The following ABHD2 variants were observed in gnomAD, a reference collection of about 807,000 sequenced individuals.
The protein encoded by ABHD2 is abhydrolase domain containing 2, acylglycerol lipase.
A neutral mutation model predicts 48.1 loss-of-function variants in ABHD2; 20 were observed. That is an observed-to-expected ratio of 0.42 (90% CI 0.29 to 0.60). ABHD2 has a LOEUF of 0.60. ABHD2 is among the 20% of genes least tolerant of loss of function. ABHD2 has a pLI of 0.24. For missense variants in ABHD2, 405 were observed against 550.9 expected, an observed-to-expected ratio of 0.74 and a Z score of 2.65; for synonymous variants, 209 against 214.2, an observed-to-expected ratio of 0.98 and a Z score of 0.21.
Position 89,184,008 on chromosome 15 carries a change from C to T in ABHD2, c.723-1416C>T, listed in dbSNP as rs2051164457. Among the ~76,000 whole-genome samples the T allele has an allele frequency of 6.6e-6, 1 of 152,096 alleles. No homozygotes were observed. Among genetic ancestry groups the T allele is most frequent in the African/African-American group, 2.4e-5 (1 of 41,394 alleles). On this transcript the variant is annotated intron_variant, in intron 6 of 10. Transcript: ENST00000352732. The surrounding 1 kb of genome is among the most constrained non-coding windows in gnomAD (Gnocchi z 5.1). ...CCGGGGTCCCTCATGGTGGTCTGGT[C>T]CTATACTCTTCCTGTAGTGCTTGGT...
At position 89,195,671 on chromosome 15, in the gene ABHD2, C is replaced by A. The variant is rs918433344; in HGVS notation, c.*248C>A. The A allele has an allele frequency of 4.4e-5, 19 of 431,374 alleles. No homozygotes were observed. The highest frequency in any genetic ancestry group is 3.6e-4 in the African/African-American group (18 of 49,432). 26.7% of individuals were successfully genotyped at this position (431,374 alleles called of 1,614,324 possible). ...ATGGTGACAAGTGACAGAGTTCTTG[C>A]CCTCTGTCCAGTTTCAGCATCTGGT... On this transcript the variant is annotated 3_prime_UTR_variant, in exon 11 of 11. Coordinates refer to ENST00000352732, the MANE Select transcript of ABHD2 (RefSeq NM_152924.5). The surrounding 1 kb of genome is among the most constrained non-coding windows in gnomAD (Gnocchi z 5.1).
chr15:89,050,519 C>T, the ABHD2 span, among the ~76,000 whole-genome samples: 2 of 152,346 alleles, frequency 1.3e-5, no homozygotes, highest in South Asian at 4.1e-4. Flanking sequence ...AGTTAAACTT[C>T]ATGTGCACCT....
At chr15:89,062,618 G>A in the ABHD2 span, among the ~76,000 whole-genome samples, 1 of 152,026 alleles carries the variant, frequency 6.6e-6, no homozygotes, top group African/African-American at 2.4e-5. Context: ...GAACTCCTGG[G>A]CTCAAGCGAT....
chr15:89,087,963 GAGTC>G (rs988950774), upstream of ABHD2: 1 of 152,092 alleles, frequency 6.6e-6, no homozygotes, highest in African/African-American at 2.4e-5. This position sits in a 1 kb window ranked among gnomAD's most constrained non-coding sequence, Gnocchi z 5.5. Context: ...GAGTACACGT[GAGTC>G]AGTCAGTCGG....
At chr15:89,134,778 A>G (rs1260554066) in intron 3 of ABHD2, among the ~76,000 whole-genome samples, 2 of 152,200 alleles carry the variant, frequency 1.3e-5, no homozygotes, top group Admixed American at 1.3e-4. Context: ...TTGAGCCCGA[A>G]AGAGCATTAT....
At position 89,175,991 on chromosome 15, in the gene ABHD2, C is replaced by T. The variant is rs780427734; in HGVS notation, c.718C>T (p.Leu240=). Residue 240 remains leucine, a synonymous_variant, in exon 6 of 11, where the codon CTG becomes TTG. Transcript: ENST00000352732. This position sits in a 1 kb window ranked among gnomAD's most constrained non-coding sequence, Gnocchi z 5.7. The stretch of plus-strand genomic sequence containing the variant: ...CAGCGTGTGCCAGGGGTACAGTGCA[C>T]TGAGGTGAGTCATCTCCGCCTTCCA... The part of the protein sequence containing the change: ...CVSVCQGYSA[L]RAQETFMQWD... The T allele has an allele frequency of 6.3e-7, 1 of 1,598,206 alleles. No homozygotes were observed. The highest frequency in any genetic ancestry group is 8.5e-7 in the Non-Finnish European group (1 of 1,171,388).
chr15:89,183,902 G>A (rs2051162167), intron 6 of ABHD2, among the ~76,000 whole-genome samples: 1 of 152,152 alleles, frequency 6.6e-6, no homozygotes, highest in Non-Finnish European at 1.5e-5. Context: ...AAAGTCAGAG[G>A]AGAGGCAGCT....
At position 89,097,943 on chromosome 15, in the gene ABHD2, T is replaced by G. The variant is rs1197114790; in HGVS notation, c.-107+9380T>G. On this transcript the variant is annotated intron_variant, in intron 1 of 10. Transcript: ENST00000352732. The surrounding 1 kb of genome is among the most constrained non-coding windows in gnomAD (Gnocchi z 4.2). ...TCTCACTCTGTCACGCAGGCTGGAT[T>G]GCAGTGGCAGGATCTGGGCTCACTG... Among the ~76,000 whole-genome samples the G allele has an allele frequency of 6.6e-6, 1 of 152,236 alleles. No homozygotes were observed. Among genetic ancestry groups the G allele is most frequent in the Non-Finnish European group, 1.5e-5 (1 of 68,040 alleles).
Position 89,091,895 on chromosome 15 carries a change from C to A in ABHD2, c.-107+3332C>A, listed in dbSNP as rs1901610951. 6.6e-6 allele frequency among the ~76,000 whole-genome samples: 1 copy of A among 152,198 alleles called. No individual in the cohort carries two copies. Among genetic ancestry groups the A allele is most frequent in the African/African-American group, 2.4e-5 (1 of 41,444 alleles). On this transcript the variant is annotated intron_variant, in intron 1 of 10. Transcript: ENST00000352732. The surrounding 1 kb of genome is among the most constrained non-coding windows in gnomAD (Gnocchi z 5.5). Reference sequence around the variant, plus strand: ...GGCTAAGCTATCCCCAGGAACAGAGCAATGAGAAGTTCAGGGTGCCTCTTA... The same window carrying A: ...GGCTAAGCTATCCCCAGGAACAGAGAAATGAGAAGTTCAGGGTGCCTCTTA...
At chr15:89,152,099 G>A (rs1355418321) in intron 4 of ABHD2, among the ~76,000 whole-genome samples, 4 of 149,950 alleles carry the variant, frequency 2.7e-5, no homozygotes, top group South Asian at 2.1e-4. Context: ...TTTTTGAGAC[G>A]GAGTCTCGCT....
intron 5 of ABHD2, among the ~76,000 whole-genome samples, chr15:89,162,639 G>A (rs1285798257): frequency 6.6e-6 from 1 of 152,092 alleles, no homozygotes; most frequent in Non-Finnish European, 1.5e-5. Flanking sequence ...TCTCAACCAA[G>A]ATGTCACCCT....
Position 89,200,852 on chromosome 15 carries a change from C to G in ABHD2, c.*5429C>G, listed in dbSNP as rs183821867. 1 of 319,262 alleles carries G rather than the reference C, an allele frequency of 3.1e-6. No individual in the cohort carries two copies. Among genetic ancestry groups the G allele is most frequent in the Non-Finnish European group, 5.9e-6 (1 of 169,728 alleles). 19.8% of individuals were successfully genotyped at this position (319,262 alleles called of 1,614,324 possible). A position where few individuals can be genotyped will look rare whatever the true frequency, so the allele number is the denominator to read the frequency against. ...AATCCCAGCACTTTGGAGGCCGAGG[C>G]GGGTAGATCACCTGAGGTTAGGAGT... On this transcript the variant is annotated 3_prime_UTR_variant, in exon 11 of 11. Coordinates refer to ENST00000352732, the MANE Select transcript of ABHD2 (RefSeq NM_152924.5).
chr15:89,135,600 A>C (rs2050295921), intron 3 of ABHD2: 9 of 1,541,864 alleles, frequency 5.8e-6, no homozygotes, highest in Non-Finnish European at 7.0e-6. Context: ...CATCTTCCTC[A>C]TCTTCCTCCT....
At chr15:89,135,195 C>G (rs2050287173) in intron 3 of ABHD2, among the ~76,000 whole-genome samples, 1 of 127,682 alleles carries the variant, frequency 7.8e-6, no homozygotes, top group Non-Finnish European at 1.6e-5. Flanking sequence ...TAACAACAGT[C>G]ATTTTATATA....
rs116553487 is a variant in ABHD2, at chr15:89,103,779, T to C, written c.-106-9946T>C. On this transcript the variant is annotated intron_variant, in intron 1 of 10. Transcript: ENST00000352732. The stretch of plus-strand genomic sequence containing the variant: ...CCTACAAGTTGGGGGCAAAGCTCTT[T>C]AGCTCTCATAATCAGCAGGACTGAT... The C allele has an allele frequency of 2.2e-3, 331 of 152,412 alleles. 2 individuals carry two copies. Among genetic ancestry groups the C allele is most frequent in the Middle Eastern group, 6.8e-3 (2 of 294 alleles). The allele number at this position is 152,412 out of a possible 1,614,324, so 9.4% of individuals were successfully genotyped here.
intron 3 of ABHD2, among the ~76,000 whole-genome samples, chr15:89,127,719 A>AT (rs2050154130): frequency 1.3e-5 from 1 of 78,312 alleles, no homozygotes; most frequent in African/African-American, 9.5e-5. Context: ...ATATATATAT[A>AT]CACATATATA....
At chr15:89,049,317 C>T in the ABHD2 span, among the ~76,000 whole-genome samples, 7 of 152,264 alleles carry the variant, frequency 4.6e-5, no homozygotes, top group Non-Finnish European at 7.3e-5. Context: ...ACATTTAAGT[C>T]TGTAGAGGTT....
At chr15:89,044,063 C>G in the ABHD2 span, among the ~76,000 whole-genome samples, 1 of 152,096 alleles carries the variant, frequency 6.6e-6, no homozygotes, top group Non-Finnish European at 1.5e-5. Flanking sequence ...CTTCCCCCAA[C>G]CCACAACAGG....
intron 5 of ABHD2, among the ~76,000 whole-genome samples, chr15:89,172,133 T>C (rs1403802929): frequency 3.3e-5 from 5 of 152,174 alleles, no homozygotes; most frequent in Non-Finnish European, 7.3e-5. Flanking sequence ...TGTTTAAATA[T>C]ATTTTTAATT....
Sources: allele counts gnomAD v4.1 joint callset (sites outside exome capture counted in the v4.1 genomes callset), GRCh38; gene constraint gnomAD v4.1.1; non-coding constraint Gnocchi (gnomAD v3.1); transcripts MANE v1.5; gene names NCBI Gene and HGNC (gene_info 2026-07-23, HGNC 2026-07-21).